GABRB1: variants seen among roughly 807,000 people sequenced by gnomAD.
The protein encoded by GABRB1 is gamma-aminobutyric acid receptor subunit beta-1.
GABRB1 carries 17 observed loss-of-function variants against 51.6 expected under a neutral mutation model. The observed-to-expected ratio is 0.33, with a 90% CI of 0.23 to 0.49. GABRB1 has a LOEUF of 0.49. GABRB1 is among the 20% of genes least tolerant of loss of function. The pLI, the probability that GABRB1 is intolerant of heterozygous loss-of-function variation, is 0.99. For missense variants in GABRB1, 410 were observed against 600.6 expected (o/e 0.68, Z 3.32); for synonymous variants, 247 against 218.9 (o/e 1.13, Z -1.14).
chr4:47,260,283 T>C (rs1017168185), intron 4 of GABRB1, among the ~76,000 whole-genome samples: 16 of 152,096 alleles, frequency 1.1e-4, no homozygotes, highest in Non-Finnish European at 2.1e-4. Flanking sequence ...TTTATCCAAT[T>C]TGCCAGTCTG....
chr4:47,090,152 T>A (rs567645848), intron 3 of GABRB1, among the ~76,000 whole-genome samples: 1 of 152,332 alleles, frequency 6.6e-6, no homozygotes, highest in East Asian at 1.9e-4. Context: ...TTATATTACC[T>A]GCCTAAGGGC....
At chr4:47,024,933 C>CATAAATATATATATATATATATATAT (rs1725039728) in intron 1 of GABRB1, among the ~76,000 whole-genome samples, 1 of 86,202 alleles carries the variant, frequency 1.2e-5, no homozygotes, top group South Asian at 4.1e-4. Flanking sequence ...AGTATTCCAT[C>CATAAATATATATATATATATATATAT]ATATATATAT....
At chr4:47,400,526 GTCTCT>G (rs1728339314) in intron 5 of GABRB1, among the ~76,000 whole-genome samples, 4 of 117,874 alleles carry the variant, frequency 3.4e-5, no homozygotes, top group Admixed American at 3.3e-4. Context: ...CCAGGAGGTA[GTCTCT>G]CTCTCTCTCT....
At chr4:47,172,567 C>G (rs1029144512) in intron 4 of GABRB1, among the ~76,000 whole-genome samples, 1 of 150,522 alleles carries the variant, frequency 6.6e-6, no homozygotes. Flanking sequence ...ACTAAATAAG[C>G]AGCTTTATGT....
At chr4:47,032,280 G>A (rs1725351243) in intron 2 of GABRB1, 137 bp from the exon 3 acceptor site, 2 of 845,976 alleles carry the variant, frequency 2.4e-6, no homozygotes, top group Non-Finnish European at 3.7e-6. Flanking sequence ...TTCCCAGGCA[G>A]TCCCCTGAAA....
intron 3 of GABRB1, among the ~76,000 whole-genome samples, chr4:47,104,177 G>T (rs995325928): frequency 6.6e-6 from 1 of 151,692 alleles, no homozygotes; most frequent in South Asian, 2.1e-4. Flanking sequence ...TAGAAGTATA[G>T]GATGACAGGT....
At chr4:47,283,778 T>C (rs543121807) in intron 4 of GABRB1, among the ~76,000 whole-genome samples, 5 of 152,118 alleles carry the variant, frequency 3.3e-5, no homozygotes, top group Admixed American at 2.6e-4. Flanking sequence ...CCAAAGATAA[T>C]TGAAACAAAT....
chr4:47,288,500 G>A (rs1162200401), intron 4 of GABRB1, among the ~76,000 whole-genome samples: 1 of 151,968 alleles, frequency 6.6e-6, no homozygotes, highest in East Asian at 1.9e-4. Context: ...CTGACCTCAT[G>A]ATCCGCCCGC....
At chr4:47,302,880 TTTATTA>T (rs1206807190) in intron 4 of GABRB1, among the ~76,000 whole-genome samples, 3 of 151,968 alleles carry the variant, frequency 2.0e-5, no homozygotes, top group African/African-American at 7.2e-5. Flanking sequence ...TATCATGACT[TTTATTA>T]TTCTGAAGTG....
intron 3 of GABRB1, among the ~76,000 whole-genome samples, chr4:47,070,118 C>T (rs1031611018): frequency 6.6e-6 from 1 of 152,024 alleles, no homozygotes; most frequent in Non-Finnish European, 1.5e-5. Flanking sequence ...TCACTGCAAC[C>T]TCCGCCTTCT....
chr4:47,153,674 G>T (rs113917178), intron 3 of GABRB1, among the ~76,000 whole-genome samples: 139 of 152,088 alleles, frequency 9.1e-4, no homozygotes, highest in African/African-American at 3.2e-3. Context: ...ATTAAAATGT[G>T]TTCCATGTGA....
intron 1 of GABRB1, among the ~76,000 whole-genome samples, chr4:46,995,521 G>A (rs1723964442): frequency 6.6e-6 from 1 of 152,058 alleles, no homozygotes; most frequent in African/African-American, 2.4e-5. Context: ...ACCATGCTCT[G>A]TTAATATATT....
intron 4 of GABRB1, among the ~76,000 whole-genome samples, chr4:47,282,432 T>A (rs1198145734): frequency 6.6e-6 from 1 of 152,228 alleles, no homozygotes; most frequent in South Asian, 2.1e-4. Flanking sequence ...GATGTTTTCC[T>A]GTTTTTCATT....
intron 5 of GABRB1, among the ~76,000 whole-genome samples, chr4:47,359,514 T>C (rs1245430824): frequency 1.3e-5 from 2 of 152,082 alleles, no homozygotes; most frequent in African/African-American, 4.8e-5. Context: ...GAGAGTACTT[T>C]TGGAGCTGAA....
chr4:47,243,681 CTCTA>C (rs1185023071), intron 4 of GABRB1, among the ~76,000 whole-genome samples: 10 of 151,866 alleles, frequency 6.6e-5, no homozygotes, highest in African/African-American at 9.7e-5. Context: ...TGATTTGGCT[CTCTA>C]TCTGTTATTG....
chr4:47,409,339 A>G (rs1728682340), intron 8 of GABRB1, among the ~76,000 whole-genome samples: 2 of 152,108 alleles, frequency 1.3e-5, no homozygotes, highest in Admixed American at 1.3e-4. Context: ...AATGTGGAGG[A>G]TCTTATTGCT....
At chr4:47,140,015 T>C (rs775577074) in intron 3 of GABRB1, among the ~76,000 whole-genome samples, 1 of 151,482 alleles carries the variant, frequency 6.6e-6, no homozygotes, top group Admixed American at 6.6e-5. Flanking sequence ...GAATATCAGA[T>C]GGAAACACAG....
intron 4 of GABRB1, among the ~76,000 whole-genome samples, chr4:47,182,847 C>T (rs1719010440): frequency 6.6e-6 from 1 of 151,870 alleles, no homozygotes; most frequent in Non-Finnish European, 1.5e-5. Context: ...TTATATAGTG[C>T]TTTTACAAGC....
At chr4:47,158,996 GT>G (rs1717821723) in intron 3 of GABRB1, among the ~76,000 whole-genome samples, 1 of 152,086 alleles carries the variant, frequency 6.6e-6, no homozygotes, top group African/African-American at 2.4e-5. Flanking sequence ...AATAAGGCAA[GT>G]CAGGAACAGT....
Sources: gnomAD v4.1 joint callset for allele counts (sites outside exome capture counted in the v4.1 genomes callset) on GRCh38, gnomAD v4.1.1 for gene constraint, MANE v1.5 for transcripts, NCBI Gene and HGNC (gene_info 2026-07-23, HGNC 2026-07-21) for gene names.